CERK: variants seen among roughly 807,000 people sequenced by gnomAD.
CERK encodes the protein acylsphingosine kinase.
A neutral mutation model predicts 63.4 loss-of-function variants in CERK; 39 were observed. That is an observed-to-expected ratio of 0.61 (90% CI 0.48 to 0.80). CERK has a LOEUF of 0.80. CERK is among the 30% of genes least tolerant of loss of function. The pLI is 0.00. For synonymous variants in CERK, 302 were observed against 280.0 expected (o/e 1.08, Z -0.78); for missense variants, 670 against 714.1 (o/e 0.94, Z 0.70).
intron 12 of CERK, among the ~76,000 whole-genome samples, chr22:46,688,057 T>C (rs896871395): frequency 6.6e-6 from 1 of 151,888 alleles, no homozygotes; most frequent in Non-Finnish European, 1.5e-5. Flanking sequence ...ATTAGCCAGG[T>C]GTGGTGGCGG....
intron 11 of CERK, among the ~76,000 whole-genome samples, chr22:46,690,961 G>GTGTGTGTATATGTATGTA (rs1014324485): frequency 9.9e-4 from 151 of 152,022 alleles, no homozygotes; most frequent in African/African-American, 3.3e-3. Flanking sequence ...ATGTATGTAT[G>GTGTGTGTATATGTATGTA]TGTGTGTATA....
intron 4 of CERK, among the ~76,000 whole-genome samples, chr22:46,711,367 G>T (rs550072967): frequency 6.6e-6 from 1 of 152,192 alleles, no homozygotes; most frequent in Admixed American, 6.5e-5. Flanking sequence ...CAGTCTGCGC[G>T]ATGACATGCA....
intron 1 of CERK, chr22:46,735,076 A>ACACAC (rs2082966309): frequency 1.3e-5 from 2 of 149,518 alleles, no homozygotes; most frequent in African/African-American, 4.9e-5. Flanking sequence ...CTCACCCCCC[A>ACACAC]ACACACACAC....
Position 46,684,744 on chromosome 22 carries a change from G to A in CERK, c.*2390C>T, listed in dbSNP as rs539240097. ...TCCCTTAAAACTCTAAAGTACAGGT[G>A]TTGTATGTCTGCCGCATCTGAAAGG... On this transcript the variant is annotated 3_prime_UTR_variant, in exon 13 of 13. Coordinates refer to ENST00000216264, the MANE Select transcript of CERK (RefSeq NM_022766.6). The A allele has an allele frequency of 6.6e-6, 1 of 152,228 alleles. No homozygotes were observed. The highest frequency in any genetic ancestry group is 2.1e-4 in the South Asian group (1 of 4,828). The allele number at this position is 152,228 out of a possible 1,614,324, so 9.4% of individuals were successfully genotyped here. A position where few individuals can be genotyped will look rare whatever the true frequency, so the allele number is the denominator to read the frequency against.
chr22:46,728,453 T>C (rs892042938), intron 1 of CERK, among the ~76,000 whole-genome samples: 1 of 152,158 alleles, frequency 6.6e-6, no homozygotes, highest in Non-Finnish European at 1.5e-5. Flanking sequence ...CTCCCCAACC[T>C]GTGAGCTCAG....
chr22:46,710,889 C>T (rs1389088418), intron 5 of CERK, among the ~76,000 whole-genome samples, 197 bp downstream of exon 5: 1 of 152,236 alleles, frequency 6.6e-6, no homozygotes, highest in East Asian at 1.9e-4. Flanking sequence ...TCGCCCAGCC[C>T]AGCCAGAGAG....
chr22:46,718,967 C>G (rs2082879049), intron 3 of CERK, among the ~76,000 whole-genome samples: 1 of 151,960 alleles, frequency 6.6e-6, no homozygotes, highest in Non-Finnish European at 1.5e-5. Flanking sequence ...ACTCAGGAGA[C>G]TGAGGTGGGA....
At chr22:46,707,785 A>G in intron 6 of CERK, 58 bp downstream of exon 6, 1 of 1,549,924 alleles carries the variant, frequency 6.5e-7, no homozygotes, top group Non-Finnish European at 8.8e-7. Context: ...CTACTTGTGC[A>G]GAACAATTCC....
intron 3 of CERK, among the ~76,000 whole-genome samples, chr22:46,716,059 A>G (rs1218402589): frequency 1.3e-5 from 2 of 151,448 alleles, no homozygotes; most frequent in Non-Finnish European, 2.9e-5. Flanking sequence ...GCACGGTGAC[A>G]TGTGCCTGTA....
At chr22:46,706,745 G>C (rs2082814689) in intron 6 of CERK, among the ~76,000 whole-genome samples, 1 of 152,094 alleles carries the variant, frequency 6.6e-6, no homozygotes, top group South Asian at 2.1e-4. Flanking sequence ...ACAATTATTA[G>C]TAATTCACGA....
intron 3 of CERK, 129 bp downstream of exon 3, chr22:46,719,957 C>T (rs2082883943): frequency 7.9e-7 from 1 of 1,264,006 alleles, no homozygotes; most frequent in Admixed American, 2.1e-5. Flanking sequence ...TTAAGTCAGC[C>T]TGACTCATCA....
intron 1 of CERK, among the ~76,000 whole-genome samples, chr22:46,725,853 G>A (rs2082915665): frequency 6.6e-6 from 1 of 152,196 alleles, no homozygotes; most frequent in Non-Finnish European, 1.5e-5. Flanking sequence ...TGCCTGCTAG[G>A]GGCAGCTGAG....
At chr22:46,703,240 C>T (rs1282108987) in intron 6 of CERK, among the ~76,000 whole-genome samples, 20 of 152,186 alleles carry the variant, frequency 1.3e-4, no homozygotes, top group African/African-American at 1.9e-4. Context: ...TCAAAGCAGC[C>T]GGAGCCATGC....
Position 46,720,913 on chromosome 22 carries a change from T to C in CERK, c.245A>G (p.Tyr82Cys), listed in dbSNP as rs2082888910. 1.9e-6 allele frequency: 3 copies of C among 1,605,210 alleles called. No homozygotes were observed. Among genetic ancestry groups the C allele is most frequent in the Non-Finnish European group, 2.6e-6 (3 of 1,172,080 alleles). Residue 82 changes from tyrosine to cysteine, a missense_variant, in exon 2 of 13, where the codon TAC (tyrosine) becomes TGC (cysteine). Tyr to Cys is a radical substitution (Grantham distance 194). Coordinates refer to ENST00000216264, the MANE Select transcript of CERK (RefSeq NM_022766.6). ...TTTAGGCTTATCACCTGTAAAAGCG[T>C]AAGGCTTTTCCATTTTCTGCCATTT... ...SGKWQKMEKP[Y>C]AFTVHCVKRA...
At chr22:46,736,039 C>T (rs1373588544) in intron 1 of CERK, among the ~76,000 whole-genome samples, 2 of 152,220 alleles carry the variant, frequency 1.3e-5, no homozygotes, top group Admixed American at 6.5e-5. Context: ...CCAGCCAGGG[C>T]CCCACCATCC....
At position 46,684,650 on chromosome 22, in the gene CERK, G is replaced by A. The variant is rs1462167321; in HGVS notation, c.*2484C>T. 6.6e-6 allele frequency: 1 copy of A among 152,170 alleles called. No individual in the cohort carries two copies. The highest frequency in any genetic ancestry group is 2.4e-5 in the African/African-American group (1 of 41,424). The allele number at this position is 152,170 out of a possible 1,614,324, so 9.4% of individuals were successfully genotyped here. ...TTGTTTTGCACCAGGGAGCCACAAA[G>A]GAAGCTAAAACTAGCCTTTCTAAGT... On this transcript the variant is annotated 3_prime_UTR_variant, in exon 13 of 13. Transcript: ENST00000216264.
rs546424696 is a variant in CERK at position 46,687,142 on chromosome 22, G to C, written c.1606C>G (p.His536Asp). 6.8e-6 allele frequency: 11 copies of C among 1,614,144 alleles called. No individual in the cohort carries two copies. The African/African-American group carries it at 1.5e-4, about 22-fold the overall frequency. The change falls in exon 13 of 13, where the codon CAC (histidine) becomes GAC (aspartate). Residue 536 changes from histidine (H) to aspartate (D), a missense_variant. Physicochemically the swap from His to Asp is moderately conservative, Grantham distance 81. Transcript: ENST00000216264. The part of the protein sequence containing the change: ...GIEENPKPDS[H>D]S The stretch of plus-strand genomic sequence containing the variant: ...AGCAGGACGCCGGCTTCTCAGCTGT[G>C]TGAGTCTGGCTTCGGATTCTCTTCA...
At position 46,720,883 on chromosome 22, in the gene CERK, A is replaced by G. The variant is rs969183796; in HGVS notation, c.256+19T>C. ...TAGAATTAATGAAGAATGTGGGAGA[A>G]GACATTTAGGCTTATCACCTGTAAA... On this transcript the variant is annotated intron_variant, in intron 2 of 12. Transcript: ENST00000216264. The G allele has an allele frequency of 4.2e-6, 6 of 1,423,404 alleles. No individual in the cohort carries two copies. The highest frequency in any genetic ancestry group is 6.0e-6 in the Non-Finnish European group (6 of 1,006,738). The allele number at this position is 1,423,404 out of a possible 1,614,324, so 88.2% of individuals were successfully genotyped here. A position where few individuals can be genotyped will look rare whatever the true frequency, so the allele number is the denominator to read the frequency against.
At chr22:46,706,397 TC>T (rs1288764434) in intron 6 of CERK, among the ~76,000 whole-genome samples, 9 of 148,598 alleles carry the variant, frequency 6.1e-5, no homozygotes, top group Admixed American at 6.0e-4. Context: ...CAGCAGAGGC[TC>T]CCCCGAGATC....
Sources: gnomAD v4.1 joint callset for allele counts (sites outside exome capture counted in the v4.1 genomes callset) on GRCh38, gnomAD v4.1.1 for gene constraint, MANE v1.5 for transcripts, NCBI Gene and HGNC (gene_info 2026-07-23, HGNC 2026-07-21) for gene names.